GAS7: variants seen among roughly 807,000 people sequenced by gnomAD.
The protein encoded by GAS7 is growth arrest-specific protein 7.
GAS7 carries 28 observed loss-of-function variants against 71.1 expected under a neutral mutation model. The ratio of observed to expected loss-of-function variants is 0.39; its 90% CI spans 0.29 to 0.54. GAS7 has a LOEUF of 0.54. Among genes scored for constraint, GAS7 ranks in the 20% least tolerant of loss-of-function variants. The probability of loss-of-function intolerance (pLI) is 0.62; values close to 1 mark genes in which losing one functional copy is unlikely to be tolerated. For synonymous variants in GAS7, 258 were observed against 245.8 expected (o/e 1.05, Z -0.46); for missense variants, 436 against 627.8 (o/e 0.69, Z 3.27).
rs553923086 is a variant in GAS7 at position 9,958,092 on chromosome 17, A to T, written c.525+1110T>A. 1.4e-4 allele frequency among the ~76,000 whole-genome samples: 21 copies of T among 152,164 alleles called. 1 individual carries two copies. In the South Asian group the frequency reaches 4.4e-3, roughly 32 times the overall value. On this transcript the variant is annotated intron_variant, in intron 5 of 13. Transcript: ENST00000432992. ...TCCCTACACCATCCCTAAGGCAGAG[A>T]CCACCCACTACCCCCCATTTCCCCA...
chr17:10,046,024 T>C (rs2072949900), intron 1 of GAS7, among the ~76,000 whole-genome samples: 1 of 152,232 alleles, frequency 6.6e-6, no homozygotes, highest in Non-Finnish European at 1.5e-5. Flanking sequence ...CCACATGATC[T>C]AAAATTATCT....
chr17:10,183,725 C>G (rs2074433014), intron 1 of GAS7, among the ~76,000 whole-genome samples: 1 of 152,114 alleles, frequency 6.6e-6, no homozygotes, highest in African/African-American at 2.4e-5. Context: ...GCCTGTAGTC[C>G]CAGCTACTTG....
Position 9,959,439 on chromosome 17 carries a change from C to A in GAS7, c.472-184G>T. 6.9e-7 allele frequency: 1 copy of A among 1,441,498 alleles called. No homozygotes were observed. The highest frequency in any genetic ancestry group is 2.7e-5 in the Admixed American group (1 of 36,864). 89.3% of individuals were successfully genotyped at this position (1,441,498 alleles called of 1,614,324 possible). A position where few individuals can be genotyped will look rare whatever the true frequency, so the allele number is the denominator to read the frequency against. On this transcript the variant is annotated intron_variant, in intron 4 of 13. Coordinates refer to ENST00000432992, the MANE Select transcript of GAS7 (RefSeq NM_201433.2). This position sits in a 1 kb window ranked among gnomAD's most constrained non-coding sequence, Gnocchi z 5.0. ...CCTGACCCCACGCTGTTCCCACGCC[C>A]AGCTCTCGGGCTGAAGGCGAATTAA...
At chr17:9,927,864 C>T (rs990271272) in intron 9 of GAS7, among the ~76,000 whole-genome samples, 17 of 152,124 alleles carry the variant, frequency 1.1e-4, no homozygotes, top group South Asian at 6.2e-4. Flanking sequence ...GCAACTGTCC[C>T]GCATTGCGCT....
At position 9,966,124 on chromosome 17, in the gene GAS7, G is replaced by A. The variant is rs566621044; in HGVS notation, c.471+3553C>T. 4.0e-5 allele frequency among the ~76,000 whole-genome samples: 6 copies of A among 150,528 alleles called. 1 individual carries two copies. The South Asian group carries it at 6.3e-4, about 16-fold the overall frequency. On this transcript the variant is annotated intron_variant, in intron 4 of 13. Transcript: ENST00000432992. ...TGCCATTCTCCTGCCTCAGCCTCCCGAGTAGCTGGGACTACAGGTGCCCGC... is the reference window on the plus strand; with the variant it reads ...TGCCATTCTCCTGCCTCAGCCTCCCAAGTAGCTGGGACTACAGGTGCCCGC...
intron 1 of GAS7, among the ~76,000 whole-genome samples, chr17:10,178,203 G>C (rs1165247524): frequency 6.6e-6 from 1 of 152,170 alleles, no homozygotes; most frequent in African/African-American, 2.4e-5. Flanking sequence ...GGCAAGCTCA[G>C]CTCCCCTGCC....
chr17:9,963,776 A>G (rs1234857511), intron 4 of GAS7, among the ~76,000 whole-genome samples: 3 of 152,156 alleles, frequency 2.0e-5, no homozygotes, highest in Non-Finnish European at 4.4e-5. Flanking sequence ...GAGACAATTG[A>G]GGAATCTGGA....
Position 9,910,726 on chromosome 17 carries a change from G to T in GAS7, c.*6502C>A, listed in dbSNP as rs1359305703. ...ATTAATACACACAAATGCGGTAACA[G>T]GGGTCAGGGGGGTGGTGCGGGGGCA... On this transcript the variant is annotated 3_prime_UTR_variant, in exon 14 of 14. Coordinates refer to ENST00000432992, the MANE Select transcript of GAS7 (RefSeq NM_201433.2). 4.5e-6 allele frequency: 1 copy of T among 221,362 alleles called. No individual in the cohort carries two copies. The highest frequency in any genetic ancestry group is 9.0e-6 in the Non-Finnish European group (1 of 110,556). 13.7% of individuals were successfully genotyped at this position (221,362 alleles called of 1,614,324 possible).
At chr17:9,945,214 G>A (rs1035873223) in intron 6 of GAS7, among the ~76,000 whole-genome samples, 5 of 151,992 alleles carry the variant, frequency 3.3e-5, no homozygotes, top group African/African-American at 1.2e-4. Context: ...TCCAAACCCA[G>A]GTACATCTCT....
intron 1 of GAS7, among the ~76,000 whole-genome samples, chr17:10,074,151 G>C (rs185924726): frequency 2.6e-5 from 4 of 152,176 alleles, no homozygotes; most frequent in African/African-American, 9.7e-5. Flanking sequence ...AGGAGTGGGC[G>C]TCCAGAAAGT....
chr17:9,925,446 G>T lies in GAS7; in HGVS notation c.1138+30C>A. 1.9e-6 allele frequency: 3 copies of T among 1,612,972 alleles called. No individual in the cohort carries two copies. The South Asian group carries it at 3.3e-5, about 18-fold the overall frequency. ...CGTGCCCTCTCCTTCTGTGTGCACT[G>T]ACCAGGCCAGGCGGGTGCCCAGCAC... On this transcript the variant is annotated intron_variant, in intron 11 of 13. Coordinates refer to ENST00000432992, the MANE Select transcript of GAS7 (RefSeq NM_201433.2).
chr17:10,052,573 G>A (rs1183611249), intron 1 of GAS7, among the ~76,000 whole-genome samples: 1 of 152,202 alleles, frequency 6.6e-6, no homozygotes, highest in Non-Finnish European at 1.5e-5. Flanking sequence ...TTTTTCAGCT[G>A]GCAGAGCTGG....
chr17:10,177,550 A>G (rs1394090558), intron 1 of GAS7, among the ~76,000 whole-genome samples: 1 of 152,132 alleles, frequency 6.6e-6, no homozygotes, highest in Admixed American at 6.6e-5. Flanking sequence ...GTCTGCTCCT[A>G]TGGAGGTGTT....
chr17:10,191,936 G>C (rs1316309318), intron 1 of GAS7, among the ~76,000 whole-genome samples: 1 of 151,246 alleles, frequency 6.6e-6, no homozygotes, highest in Non-Finnish European at 1.5e-5. Flanking sequence ...TGAAATTTGA[G>C]TACCTAGAGG....
chr17:10,003,396 T>C (rs935242096), intron 2 of GAS7, among the ~76,000 whole-genome samples: 2 of 152,222 alleles, frequency 1.3e-5, no homozygotes, highest in East Asian at 1.9e-4. Context: ...TCTGTACCAG[T>C]TGGAAAACTG....
At chr17:9,979,156 G>A (rs2070317761) in intron 3 of GAS7, among the ~76,000 whole-genome samples, 2 of 152,196 alleles carry the variant, frequency 1.3e-5, no homozygotes, top group South Asian at 4.1e-4. Flanking sequence ...AGTTAAATAG[G>A]TTTCTTCATT....
At chr17:10,061,628 T>G (rs2073221133) in intron 1 of GAS7, among the ~76,000 whole-genome samples, 1 of 152,202 alleles carries the variant, frequency 6.6e-6, no homozygotes, top group Non-Finnish European at 1.5e-5. Flanking sequence ...CGTCCAAAGA[T>G]GCACACAAGC....
At chr17:10,090,865 C>T (rs2073574803) in intron 1 of GAS7, among the ~76,000 whole-genome samples, 1 of 152,166 alleles carries the variant, frequency 6.6e-6, no homozygotes, top group African/African-American at 2.4e-5. Flanking sequence ...CTCCTTCCAC[C>T]ACATCAGTGT....
chr17:10,018,981 C>T (rs770832790), intron 2 of GAS7, among the ~76,000 whole-genome samples: 28 of 152,192 alleles, frequency 1.8e-4, no homozygotes, highest in Non-Finnish European at 4.4e-5. Flanking sequence ...GGTCAAGACA[C>T]AGCTCTGTTC....
Sources: gnomAD v4.1 joint callset for allele counts (sites outside exome capture counted in the v4.1 genomes callset) on GRCh38, gnomAD v4.1.1 for gene constraint, Gnocchi (gnomAD v3.1) non-coding constraint, MANE v1.5 for transcripts, NCBI Gene and HGNC (gene_info 2026-07-23, HGNC 2026-07-21) for gene names.